Variants in ZFYVE9 observed in about 807,000 individuals in gnomAD.
The protein encoded by ZFYVE9 is zinc finger FYVE domain-containing protein 9.
A neutral mutation model predicts 126.7 loss-of-function variants in ZFYVE9; 43 were observed. The ratio of observed to expected loss-of-function variants is 0.34; its 90% confidence interval spans 0.27 to 0.44. The LOEUF is 0.44. Among genes scored for constraint, ZFYVE9 ranks in the 20% least tolerant of loss-of-function variants. The pLI is 1.00. For missense variants in ZFYVE9, 1,476 were observed against 1,697.0 expected, an observed-to-expected ratio of 0.87 and a Z score of 2.29; for synonymous variants, 521 against 597.4, an observed-to-expected ratio of 0.87 and a Z score of 1.87.
intron 4 of ZFYVE9, among the ~76,000 whole-genome samples, chr1:52,249,665 C>T (rs1356252598): frequency 6.6e-6 from 1 of 152,050 alleles, no homozygotes; most frequent in Admixed American, 6.6e-5. Context: ...GTTGCCTGTG[C>T]TTTTGGTGTC....
At chr1:52,198,110 GTTTTTTTTT>G (rs1644879250) in intron 1 of ZFYVE9, among the ~76,000 whole-genome samples, 1 of 40,014 alleles carries the variant, frequency 2.5e-5, no homozygotes, top group African/African-American at 5.8e-5. Context: ...ATATTGTAGT[GTTTTTTTTT>G]GTTTGTTTTT....
intron 1 of ZFYVE9, among the ~76,000 whole-genome samples, chr1:52,166,594 A>G (rs565413156): frequency 6.6e-6 from 1 of 152,080 alleles, no homozygotes; most frequent in Non-Finnish European, 1.5e-5. Context: ...TTGCTTATAT[A>G]TACTAATTCT....
chr1:52,307,320 A>G (rs1213786324), intron 13 of ZFYVE9, among the ~76,000 whole-genome samples: 7 of 151,518 alleles, frequency 4.6e-5, no homozygotes, highest in African/African-American at 9.7e-5. Context: ...ACTGCAACCT[A>G]CGCCTCCAGG....
In ZFYVE9 at chr1:52,210,843, CG is replaced by C. The variant is rs534246108; in HGVS notation, c.-142-5522del. 7.6e-3 allele frequency among the ~76,000 whole-genome samples: 1,164 copies of C among 152,208 alleles called. 5 individuals carry two copies. Among genetic ancestry groups the C allele is most frequent in the Non-Finnish European group, 0.01 (704 of 67,994 alleles). On this transcript the variant is annotated intron_variant, in intron 1 of 18. Coordinates refer to ENST00000287727, the MANE Select transcript of ZFYVE9 (RefSeq NM_004799.4). ...CTAATTTTTGTATTTTTAGTAGAGA[CG>C]GGGTTTCGCCATGTTGGCCAGGTTC...
intron 1 of ZFYVE9, among the ~76,000 whole-genome samples, chr1:52,205,106 A>G (rs1467664560): frequency 1.6e-5 from 2 of 124,828 alleles, no homozygotes; most frequent in Non-Finnish European, 3.2e-5. Flanking sequence ...ACAGGACCTC[A>G]TTCTGTCGCC....
In ZFYVE9 at chr1:52,232,728, C is replaced by CAAAAAAAAAA. The variant is rs552213191; in HGVS notation, c.-36-426_-36-417dup. The stretch of plus-strand genomic sequence containing the variant: ...AGGCAACAAGAGTGAGACTCTGTCT[C>CAAAAAAAAAA]AAAAAAAAAAAAAAAAAAAAAAAAA... On this transcript the variant is annotated intron_variant, in intron 2 of 18. Coordinates refer to ENST00000287727, the MANE Select transcript of ZFYVE9 (RefSeq NM_004799.4). Among the ~76,000 whole-genome samples the CAAAAAAAAAA allele has an allele frequency of 4.4e-4, 12 of 27,354 alleles. 1 individual carries two copies. Among genetic ancestry groups the CAAAAAAAAAA allele is most frequent in the African/African-American group, 1.2e-3 (12 of 9,756 alleles). The allele number at this position is 27,354 out of a possible 152,430, so 17.9% of individuals were successfully genotyped here.
At chr1:52,191,283 G>A (rs1644814712) in intron 1 of ZFYVE9, among the ~76,000 whole-genome samples, 1 of 152,152 alleles carries the variant, frequency 6.6e-6, no homozygotes, top group Admixed American at 6.5e-5. Flanking sequence ...ATATTTTGAG[G>A]TGGGAGATAG....
At chr1:52,279,289 A>G (rs1447014028) in intron 9 of ZFYVE9, among the ~76,000 whole-genome samples, 6 of 152,208 alleles carry the variant, frequency 3.9e-5, no homozygotes, top group Non-Finnish European at 5.9e-5. Flanking sequence ...AGGCTACTCA[A>G]ATAATTTACA....
intron 12 of ZFYVE9, among the ~76,000 whole-genome samples, chr1:52,297,391 C>T (rs1470580645): frequency 1.3e-5 from 2 of 151,976 alleles, no homozygotes; most frequent in Non-Finnish European, 2.9e-5. Context: ...GCACCTGCCA[C>T]CACGCCTGGC....
Position 52,216,382 on chromosome 1 carries a change from A to G in ZFYVE9, c.-129A>G, listed in dbSNP as rs998130252. On this transcript the variant is annotated 5_prime_UTR_variant, in exon 2 of 19. Coordinates refer to ENST00000287727, the MANE Select transcript of ZFYVE9 (RefSeq NM_004799.4). ...TTTTTCCTTTAGGATCAAACAGAGC[A>G]TACTGAATCAGCAGGACTGGCTGGT... 2.3e-5 allele frequency: 9 copies of G among 398,454 alleles called. No individual in the cohort carries two copies. The highest frequency in any genetic ancestry group is 4.1e-5 in the African/African-American group (2 of 48,636). 24.7% of individuals were successfully genotyped at this position (398,454 alleles called of 1,614,324 possible). A position where few individuals can be genotyped will look rare whatever the true frequency, so the allele number is the denominator to read the frequency against.
intron 1 of ZFYVE9, among the ~76,000 whole-genome samples, chr1:52,199,823 C>G (rs1644906930): frequency 6.6e-6 from 1 of 152,208 alleles, no homozygotes; most frequent in Non-Finnish European, 1.5e-5. Context: ...CTGTTGCACC[C>G]ACATCCTCTC....
chr1:52,286,913 T>C (rs1233761788), intron 10 of ZFYVE9, among the ~76,000 whole-genome samples: 1 of 152,152 alleles, frequency 6.6e-6, no homozygotes, highest in East Asian at 1.9e-4. Context: ...TGATTTTCCA[T>C]TTCATTACCC....
At chr1:52,218,108 T>C (rs1464474541) in intron 2 of ZFYVE9, among the ~76,000 whole-genome samples, 1 of 152,198 alleles carries the variant, frequency 6.6e-6, no homozygotes, top group Non-Finnish European at 1.5e-5. Context: ...ATGCTGTCTA[T>C]GTAAACTTGA....
rs796723020 is a variant in ZFYVE9, at chr1:52,245,870, G to T, written c.2178+6275G>T. On this transcript the variant is annotated intron_variant, in intron 4 of 18. Coordinates refer to ENST00000287727, the MANE Select transcript of ZFYVE9 (RefSeq NM_004799.4). Reference sequence around the variant, plus strand: ...TAAAACAAATAGGTTTCTTTATGGTGATCTTTATGTTATTTTCTTTGCATT... The same window carrying T: ...TAAAACAAATAGGTTTCTTTATGGTTATCTTTATGTTATTTTCTTTGCATT... Among the ~76,000 whole-genome samples, 16 of 152,264 alleles carry T rather than the reference G, an allele frequency of 1.1e-4. 1 individual carries two copies. Among genetic ancestry groups the T allele is most frequent in the African/African-American group, 3.6e-4 (15 of 41,562 alleles).
intron 2 of ZFYVE9, among the ~76,000 whole-genome samples, chr1:52,227,346 A>G (rs1645179957): frequency 8.9e-6 from 1 of 112,870 alleles, no homozygotes; most frequent in Non-Finnish European, 1.8e-5. Flanking sequence ...ACTTGCCAAA[A>G]TCTCATCCTT....
rs368001866 is a variant in ZFYVE9 at position 52,142,622 on chromosome 1, C to T, written c.-143+219C>T. Among the ~76,000 whole-genome samples, 11 of 152,158 alleles carry T rather than the reference C, an allele frequency of 7.2e-5. No homozygotes were observed. The highest frequency in any genetic ancestry group is 2.4e-4 in the African/African-American group (10 of 41,458). ...CCGCGCCGTTGGGAAGCCCTCGCTC[C>T]GGCCTCGGTTCCGGCGCGGCCGGGT... On this transcript the variant is annotated intron_variant, in intron 1 of 18. Coordinates refer to ENST00000287727, the MANE Select transcript of ZFYVE9 (RefSeq NM_004799.4). The surrounding 1 kb of genome is among the most constrained non-coding windows in gnomAD (Gnocchi z 4.5).
chr1:52,337,208 C>T (rs941920898), intron 15 of ZFYVE9, among the ~76,000 whole-genome samples: 6 of 152,164 alleles, frequency 3.9e-5, no homozygotes, highest in African/African-American at 1.4e-4. Context: ...TCAGTGTTTG[C>T]CTTCAACTCA....
intron 2 of ZFYVE9, among the ~76,000 whole-genome samples, chr1:52,229,290 T>C (rs1456954330): frequency 6.6e-6 from 1 of 152,210 alleles, no homozygotes; most frequent in Non-Finnish European, 1.5e-5. Context: ...TAGGTGATGT[T>C]TTATATTTTT....
chr1:52,268,269 G>T (rs1056879834), intron 6 of ZFYVE9, among the ~76,000 whole-genome samples, 194 bp from the exon 7 acceptor site: 2 of 152,086 alleles, frequency 1.3e-5, no homozygotes, highest in African/African-American at 4.8e-5. Context: ...AACAAGTAAA[G>T]AATATATTTA....
Sources: gnomAD v4.1 joint callset for allele counts (sites outside exome capture counted in the v4.1 genomes callset) on GRCh38, gnomAD v4.1.1 for gene constraint, Gnocchi (gnomAD v3.1) non-coding constraint, MANE v1.5 for transcripts, NCBI Gene and HGNC (gene_info 2026-07-23, HGNC 2026-07-21) for gene names.